Variants in VPS13A observed in about 807,000 individuals in gnomAD.
VPS13A encodes the protein intermembrane lipid transfer protein VPS13A.
In VPS13A, 264 loss-of-function variants were observed where a neutral mutation model predicts 390.9. The observed-to-expected ratio is 0.68, with a 90% confidence interval of 0.61 to 0.75. The LOEUF is 0.75. Ranked by LOEUF, VPS13A falls within the 30% of genes least tolerant of loss-of-function variation. The pLI, the probability that VPS13A is intolerant of heterozygous loss-of-function variation, is 0.00. For synonymous variants in VPS13A, 1,231 were observed against 1,227.1 expected (o/e 1.00, Z -0.07); for missense variants, 3,409 against 3,733.9 (o/e 0.91, Z 2.27).
At chr9:77,211,988 G>T (rs1590005719) in intron 7 of VPS13A, among the ~76,000 whole-genome samples, 1 of 152,210 alleles carries the variant, frequency 6.6e-6, no homozygotes, top group East Asian at 1.9e-4. Flanking sequence ...TCTAGGTTGT[G>T]CCCCTGATGG....
At chr9:77,310,056 C>T (rs1406970729) in intron 35 of VPS13A, among the ~76,000 whole-genome samples, 1 of 152,110 alleles carries the variant, frequency 6.6e-6, no homozygotes, top group Non-Finnish European at 1.5e-5. Context: ...AGATTCTATA[C>T]ACAGCCAAGC....
intron 23 of VPS13A, among the ~76,000 whole-genome samples, chr9:77,268,017 C>A (rs187375161): frequency 8.5e-5 from 13 of 152,324 alleles, no homozygotes; most frequent in Admixed American, 3.9e-4. Context: ...CCCGCTCCCC[C>A]CACCAAGCAT....
intron 45 of VPS13A, among the ~76,000 whole-genome samples, chr9:77,327,373 T>TG (rs1419345039): frequency 2.0e-5 from 3 of 152,198 alleles, no homozygotes. Context: ...ACATGAATTT[T>TG]GAATTTCTTA....
chr9:77,401,931 A>T (rs1280622286), intron 68 of VPS13A, among the ~76,000 whole-genome samples: 1 of 152,162 alleles, frequency 6.6e-6, no homozygotes, highest in East Asian at 1.9e-4. Context: ...TGATAAATTA[A>T]ACTTTATCAT....
chr9:77,368,207 T>C, intron 62 of VPS13A, 71 bp downstream of exon 62: 2 of 1,249,486 alleles, frequency 1.6e-6, no homozygotes, highest in Admixed American at 1.9e-5. Flanking sequence ...TCTATACATA[T>C]ATAATGTGGA....
rs958679559 is a variant in VPS13A, at chr9:77,260,179, A to T, written c.2382A>T (p.Lys794Asn). The change falls in exon 23 of 72, where the codon AAA (lysine) becomes AAT (asparagine). Residue 794 changes from lysine (K) to asparagine (N), a missense_variant. Around this residue, in one of 5 missense-constraint regions of VPS13A, gnomAD observed 2,717 missense variants for 2,917.4 expected, o/e 0.93. Coordinates refer to ENST00000360280, the MANE Select transcript of VPS13A (RefSeq NM_033305.3). ...TGGAATTGATTGAAAGCATTCCAAA[A>T]CCTGAACCAGTAACTGAAGTATCTG... The part of the protein sequence containing the change: ...GIMELIESIP[K>N]PEPVTEVSAP... The T allele has an allele frequency of 5.0e-6, 8 of 1,613,238 alleles. No homozygotes were observed. In the African/African-American group the frequency reaches 1.1e-4, roughly 22 times the overall value.
At chr9:77,341,689 TCC>T (rs1830821645) in intron 50 of VPS13A, among the ~76,000 whole-genome samples, 4 of 135,498 alleles carry the variant, frequency 3.0e-5, no homozygotes, top group African/African-American at 5.5e-5. Context: ...TGGACATCTT[TCC>T]TTTTTTTTTT....
chr9:77,415,916 C>A, intron 71 of VPS13A, 40 bp from the exon 72 acceptor site: 3 of 1,610,288 alleles, frequency 1.9e-6, no homozygotes, highest in South Asian at 1.1e-5. Flanking sequence ...ATTACAAGTT[C>A]ACTGAAGTAA....
chr9:77,386,223 TCAAA>T (rs1308669251), intron 68 of VPS13A, among the ~76,000 whole-genome samples: 1 of 152,196 alleles, frequency 6.6e-6, no homozygotes, highest in Admixed American at 6.5e-5. Context: ...TTGGCCAAAA[TCAAA>T]CAAAACTTAC....
At chr9:77,297,579 T>G (rs545826396) in intron 33 of VPS13A, among the ~76,000 whole-genome samples, 331 of 151,730 alleles carry the variant, frequency 2.2e-3, no homozygotes, top group Middle Eastern at 3.4e-3. Flanking sequence ...GTCTTTTTTT[T>G]GGGGGGGCAG....
At position 77,314,105 on chromosome 9, in the gene VPS13A, C is replaced by T. The variant is rs1376596819; in HGVS notation, c.4228C>T (p.Pro1410Ser). The change falls in exon 36 of 72, where the codon CCA (proline) becomes TCA (serine). Residue 1410 changes from proline (P) to serine (S), a missense_variant. By Grantham distance (74) the Pro-to-Ser change is moderately conservative (BLOSUM62 -1). This residue lies in a region of VPS13A where 2,717 missense variants were observed against 2,917.4 expected (regional missense o/e 0.93). Coordinates refer to ENST00000360280, the MANE Select transcript of VPS13A (RefSeq NM_033305.3). ...TGATCTCACCATGGTGCTGTATAGTCCAGGTCCTAAACAGGTAAGTCCAGG... is the reference window on the plus strand; with the variant it reads ...TGATCTCACCATGGTGCTGTATAGTTCAGGTCCTAAACAGGTAAGTCCAGG... ...TDDLTMVLYS[P>S]GPKQASFTDV... 6.2e-7 allele frequency: 1 copy of T among 1,612,910 alleles called. No individual in the cohort carries two copies. The highest frequency in any genetic ancestry group is 8.5e-7 in the Non-Finnish European group (1 of 1,179,452).
At chr9:77,386,315 T>G (rs1265350221) in intron 68 of VPS13A, among the ~76,000 whole-genome samples, 1 of 152,184 alleles carries the variant, frequency 6.6e-6, no homozygotes, top group Non-Finnish European at 1.5e-5. Context: ...AGTCTGGAAG[T>G]TTCTTCATTG....
intron 71 of VPS13A, among the ~76,000 whole-genome samples, chr9:77,410,637 T>C (rs1175287996): frequency 6.6e-6 from 1 of 152,096 alleles, no homozygotes; most frequent in Non-Finnish European, 1.5e-5. Context: ...AGGCAGGAGT[T>C]GCAATCCTAG....
rs768098759 is a variant in VPS13A, at chr9:77,365,546, T to C, written c.8298T>C (p.Tyr2766=). ...SLVDQSQVSL[Y]EYFHISPIKL... ...TAGATCAATCACAAGTCAGCCTCTA[T>C]GAATATTTTCATATATCTCCTATCA... Residue 2766 remains tyrosine (Y), a synonymous_variant, in exon 60 of 72, where the codon TAT becomes TAC. Coordinates refer to ENST00000360280, the MANE Select transcript of VPS13A (RefSeq NM_033305.3). The C allele has an allele frequency of 6.2e-7, 1 of 1,611,318 alleles. No individual in the cohort carries two copies. Among genetic ancestry groups the C allele is most frequent in the South Asian group, 1.1e-5 (1 of 90,992 alleles).
intron 21 of VPS13A, among the ~76,000 whole-genome samples, chr9:77,250,864 CAG>C (rs1825114977): frequency 6.6e-6 from 1 of 152,186 alleles, no homozygotes; most frequent in Non-Finnish European, 1.5e-5. Context: ...GGAGAGACCC[CAG>C]ACTCGTTCAG....
intron 1 of VPS13A, among the ~76,000 whole-genome samples, chr9:77,178,623 A>G (rs573910700): frequency 6.6e-6 from 1 of 152,304 alleles, no homozygotes; most frequent in African/African-American, 2.4e-5. Context: ...TACGCTGCCT[A>G]GGTGGTGAAG....
intron 54 of VPS13A, among the ~76,000 whole-genome samples, chr9:77,354,070 T>C (rs868863068): frequency 1.3e-5 from 2 of 152,094 alleles, no homozygotes; most frequent in South Asian, 2.1e-4. Flanking sequence ...GATCACTGTA[T>C]TTATCATTTC....
At chr9:77,217,159 T>C (rs1043953757) in intron 10 of VPS13A, among the ~76,000 whole-genome samples, 11 of 152,142 alleles carry the variant, frequency 7.2e-5, no homozygotes, top group African/African-American at 1.7e-4. Flanking sequence ...GAAATAGGAA[T>C]GCTAGGGGAG....
intron 45 of VPS13A, among the ~76,000 whole-genome samples, chr9:77,324,894 A>C (rs7042012): frequency 0.2 from 30,347 of 151,658 alleles, 3,207 homozygotes; most frequent in Middle Eastern, 0.26. Flanking sequence ...TTAAAGCAGC[A>C]GTACCCAACC....
Sources: allele counts gnomAD v4.1 joint callset (sites outside exome capture counted in the v4.1 genomes callset), GRCh38; gene constraint gnomAD v4.1.1; regional missense constraint gnomAD v4.1.1; transcripts MANE v1.5; gene names NCBI Gene and HGNC (gene_info 2026-07-23, HGNC 2026-07-21).